TRPM3: variants seen among roughly 807,000 people sequenced by gnomAD.
The protein encoded by TRPM3 is long transient receptor potential channel 3.
A neutral mutation model predicts 181.2 loss-of-function variants in TRPM3; 77 were observed. The observed-to-expected ratio is 0.42, with a 90% CI of 0.35 to 0.51. TRPM3 has a LOEUF of 0.51. Ranked by LOEUF, TRPM3 falls within the 20% of genes least tolerant of loss-of-function variation. The pLI is 0.01. For synonymous variants in TRPM3, 745 were observed against 796.4 expected, an observed-to-expected ratio of 0.94 and a Z score of 1.09; for missense variants, 1,759 against 2,196.7, an observed-to-expected ratio of 0.80 and a Z score of 3.98.
intron 1 of TRPM3, among the ~76,000 whole-genome samples, chr9:71,217,193 G>T (rs924752234): frequency 1.3e-5 from 2 of 151,242 alleles, no homozygotes; most frequent in Admixed American, 1.3e-4. Context: ...CTCGTGATCC[G>T]CCCGCCTCGG....
At chr9:71,352,456 G>C (rs996660798) in intron 1 of TRPM3, among the ~76,000 whole-genome samples, 1 of 151,894 alleles carries the variant, frequency 6.6e-6, no homozygotes, top group Non-Finnish European at 1.5e-5. Flanking sequence ...CTCTGTTTAT[G>C]TTCTTTTAGA....
chr9:71,367,462 G>A (rs1002034503), intron 1 of TRPM3, among the ~76,000 whole-genome samples: 1 of 152,094 alleles, frequency 6.6e-6, no homozygotes, highest in African/African-American at 2.4e-5. Flanking sequence ...AGGCAAGTTT[G>A]TAAATGTAAC....
chr9:70,876,161 GACTA>G (rs1470807332), intron 1 of TRPM3, among the ~76,000 whole-genome samples: 7 of 151,644 alleles, frequency 4.6e-5, no homozygotes, highest in Admixed American at 2.6e-4. Flanking sequence ...CTTTCCTTAT[GACTA>G]ACTACCAAAG....
At chr9:70,613,814 G>C (rs554721597) in intron 18 of TRPM3, among the ~76,000 whole-genome samples, 1 of 152,192 alleles carries the variant, frequency 6.6e-6, no homozygotes, top group East Asian at 1.9e-4. Context: ...TCTTATGGTG[G>C]CTTCTTGAAG....
At chr9:71,049,951 T>C (rs2059884218) in intron 1 of TRPM3, among the ~76,000 whole-genome samples, 1 of 152,190 alleles carries the variant, frequency 6.6e-6, no homozygotes, top group South Asian at 2.1e-4. Context: ...AATAATGTAT[T>C]GTACACTTAA....
chr9:70,857,889 G>A (rs746589145), intron 3 of TRPM3, among the ~76,000 whole-genome samples: 2 of 152,112 alleles, frequency 1.3e-5, no homozygotes, highest in Admixed American at 6.6e-5. Flanking sequence ...TCAAAAGTTC[G>A]CAAGTTGTGA....
chr9:71,128,049 A>C (rs1489129855), intron 1 of TRPM3, among the ~76,000 whole-genome samples: 2 of 152,208 alleles, frequency 1.3e-5, no homozygotes, highest in African/African-American at 4.8e-5. Context: ...GGAAAAGCAA[A>C]GCAAAACAAA....
chr9:71,215,051 A>C lies in TRPM3; in HGVS notation c.183+231602T>G, dbSNP rs1187639412. 5.1e-4 allele frequency among the ~76,000 whole-genome samples: 50 copies of C among 97,418 alleles called. 2 individuals carry two copies. Among genetic ancestry groups the C allele is most frequent in the African/African-American group, 1.6e-3 (44 of 27,138 alleles). The allele number at this position is 97,418 out of a possible 152,430, so 63.9% of individuals were successfully genotyped here. On this transcript the variant is annotated intron_variant, in intron 1 of 24. Coordinates refer to the TRPM3 transcript ENST00000357533. ...CAAAAAACAAAAAAAAAAAAACAAAAAAAAAAAAAAACAACAACCCAAAAC... is the reference window on the plus strand; with the variant it reads ...CAAAAAACAAAAAAAAAAAAACAAACAAAAAAAAAAACAACAACCCAAAAC...
At chr9:71,093,383 T>A (rs1335300012) in intron 1 of TRPM3, among the ~76,000 whole-genome samples, 2 of 150,704 alleles carry the variant, frequency 1.3e-5, no homozygotes, top group Non-Finnish European at 3.0e-5. Flanking sequence ...TAAACAAATT[T>A]ACAAGAAAAA....
chr9:70,915,321 A>G (rs1364169443), intron 1 of TRPM3, among the ~76,000 whole-genome samples: 3 of 151,918 alleles, frequency 2.0e-5, no homozygotes, highest in Non-Finnish European at 4.4e-5. Context: ...TTTTTGAGAC[A>G]GAGTCTTACT....
In TRPM3 at chr9:71,277,557, A is replaced by T. The variant is rs150587353; in HGVS notation, c.183+169096T>A. Among the ~76,000 whole-genome samples, 617 of 152,324 alleles carry T rather than the reference A, an allele frequency of 4.1e-3. 4 individuals are homozygous for T. The highest frequency in any genetic ancestry group is 0.014 in the African/African-American group (592 of 41,570). Reference sequence around the variant, plus strand: ...TAATTTTTTTTAACTGATTTAAAAAAAAGATGTGGACAACAAAGAATATTA... The same window carrying T: ...TAATTTTTTTTAACTGATTTAAAAATAAGATGTGGACAACAAAGAATATTA... On this transcript the variant is annotated intron_variant, in intron 1 of 24. Coordinates refer to the TRPM3 transcript ENST00000357533.
intron 1 of TRPM3, among the ~76,000 whole-genome samples, chr9:71,342,888 T>C (rs2091053276): frequency 6.6e-6 from 1 of 152,184 alleles, no homozygotes. Flanking sequence ...TATTCAGTGA[T>C]AAAAAGAAAT....
intron 1 of TRPM3, among the ~76,000 whole-genome samples, chr9:71,335,223 T>C (rs182473447): frequency 6.6e-6 from 1 of 152,244 alleles, no homozygotes; most frequent in Admixed American, 6.5e-5. Context: ...CCTAGCAAGA[T>C]TTTCTATTTA....
intron 25 of TRPM3, among the ~76,000 whole-genome samples, chr9:70,548,394 C>T (rs2045603717): frequency 6.6e-6 from 1 of 152,158 alleles, no homozygotes; most frequent in Admixed American, 6.5e-5. Context: ...GTGTATATAC[C>T]TACTTACATA....
At chr9:71,117,185 C>A (rs1444766249) in intron 1 of TRPM3, among the ~76,000 whole-genome samples, 12 of 152,182 alleles carry the variant, frequency 7.9e-5, no homozygotes, top group Admixed American at 7.9e-4. Flanking sequence ...CTAATCTAAT[C>A]TTTCAGCTTC....
chr9:71,089,783 G>A (rs1315168461), intron 1 of TRPM3, among the ~76,000 whole-genome samples: 1 of 152,060 alleles, frequency 6.6e-6, no homozygotes, highest in Non-Finnish European at 1.5e-5. Context: ...GATGTCCTGA[G>A]CATCCTAGTG....
chr9:71,051,479 T>C (rs781365635), intron 1 of TRPM3, among the ~76,000 whole-genome samples: 10 of 152,142 alleles, frequency 6.6e-5, no homozygotes, highest in Non-Finnish European at 1.5e-4. Context: ...GTTATGGAGC[T>C]GACACATGAG....
At chr9:70,895,678 C>T (rs898634631) in intron 1 of TRPM3, among the ~76,000 whole-genome samples, 4 of 151,902 alleles carry the variant, frequency 2.6e-5, no homozygotes, top group African/African-American at 7.3e-5. Flanking sequence ...CAATGAATAC[C>T]ATTTTCAGTG....
At chr9:70,797,679 A>G (rs1004831465) in intron 6 of TRPM3, among the ~76,000 whole-genome samples, 9 of 152,258 alleles carry the variant, frequency 5.9e-5, no homozygotes, top group African/African-American at 2.2e-4. Flanking sequence ...AATTTTTCCT[A>G]TGCACACCCT....
Sources: gnomAD v4.1 joint callset for allele counts (sites outside exome capture counted in the v4.1 genomes callset) on GRCh38, gnomAD v4.1.1 for gene constraint, MANE v1.5 for transcripts, NCBI Gene and HGNC (gene_info 2026-07-23, HGNC 2026-07-21) for gene names.